Variants in DNAI2 observed in about 807,000 individuals in gnomAD.
DNAI2 encodes dynein, axonemal, intermediate polypeptide 2.
In DNAI2, 63 loss-of-function variants were observed where a neutral mutation model predicts 74.7. The observed-to-expected ratio is 0.84, with a 90% CI of 0.69 to 1.04. The LOEUF (loss-of-function observed/expected upper bound fraction) is 1.04. DNAI2 is among the 50% of genes least tolerant of loss of function. The pLI is 0.00. For missense variants in DNAI2, 688 were observed against 803.2 expected (o/e 0.86, Z 1.73); for synonymous variants, 289 against 314.9 (o/e 0.92, Z 0.87).
chr17:74,314,611 C>T lies in DNAI2; in HGVS notation c.*78C>T. 4.0e-6 allele frequency: 1 copy of T among 250,114 alleles called. No individual in the cohort carries two copies. The allele number at this position is 250,114 out of a possible 1,614,324, so 15.5% of individuals were successfully genotyped here. On this transcript the variant is annotated 3_prime_UTR_variant, in exon 14 of 14. Transcript: ENST00000311014. ...CAGACCCTCAACCAGACTTGCATGG[C>T]CATGGCAGGGCCTCGGGAAGACCTT...
Position 74,281,976 on chromosome 17 carries a change from C to T in DNAI2, c.159C>T (p.Cys53=), listed in dbSNP as rs141118738. ...ACCCAGTGGACACGGGCATCCAGTG[C>T]TCGATCAGCATGTCGGAACACGAGG... ...ERNPVDTGIQ[C]SISMSEHEAN... The change falls in exon 2 of 14, where the codon TGC becomes TGT. Residue 53 remains cysteine (C), a synonymous_variant. Coordinates refer to ENST00000311014, the MANE Select transcript of DNAI2 (RefSeq NM_023036.6). 6.8e-6 allele frequency: 11 copies of T among 1,614,000 alleles called. No homozygotes were observed. The African/African-American group carries it at 1.3e-4, about 20-fold the overall frequency.
chr17:74,312,640 G>A (rs966957453), intron 12 of DNAI2, among the ~76,000 whole-genome samples: 1 of 152,200 alleles, frequency 6.6e-6, no homozygotes, highest in Non-Finnish European at 1.5e-5. Flanking sequence ...CGGTGTGCAC[G>A]TCATGCTGGC....
intron 11 of DNAI2, among the ~76,000 whole-genome samples, chr17:74,310,407 C>A (rs2144116292): frequency 6.6e-6 from 1 of 151,932 alleles, no homozygotes; most frequent in African/African-American, 2.4e-5. Flanking sequence ...CAGTTTTTTA[C>A]CTGTAAATCA....
rs2144032154 is a variant in DNAI2, at chr17:74,300,623, CTT to C, written c.865-421_865-420del. On this transcript the variant is annotated intron_variant, in intron 7 of 13. Transcript: ENST00000311014. The surrounding 1 kb of genome is among the most constrained non-coding windows in gnomAD (Gnocchi z 4.5). The stretch of plus-strand genomic sequence containing the variant: ...CCCCAAAAAATACAGCAAAGAGCAT[CTT>C]TATACACAGATTGTTGCACACATGC... Among the ~76,000 whole-genome samples, 1 of 152,334 alleles carries C rather than the reference CTT, an allele frequency of 6.6e-6. No individual in the cohort carries two copies. Among genetic ancestry groups the C allele is most frequent in the African/African-American group, 2.4e-5 (1 of 41,562 alleles).
Position 74,281,792 on chromosome 17 carries a change from C to A in DNAI2, c.-11-15C>A. 2 of 1,612,830 alleles carry A rather than the reference C, an allele frequency of 1.2e-6. No individual in the cohort carries two copies. Among genetic ancestry groups the A allele is most frequent in the Non-Finnish European group, 1.7e-6 (2 of 1,179,972 alleles). ...GGTGGGGTCCCTCACCCCACACCCT[C>A]CCTCTGCCCCCCAGCAGCCGGCACC... is the stretch of plus-strand genomic sequence containing the variant. On this transcript the variant is annotated splice_polypyrimidine_tract_variant and intron_variant, in intron 1 of 13. Transcript: ENST00000311014.
rs537571452 is a variant in DNAI2, at chr17:74,277,244, G to A, written c.-12+2899G>A. 1.5e-4 allele frequency among the ~76,000 whole-genome samples: 23 copies of A among 152,118 alleles called. No individual in the cohort carries two copies. The East Asian group carries it at 2.5e-3, about 17-fold the overall frequency. ...TCTACTAAAAATACAAAAATTAGCC[G>A]CGAATGGTGGCATGTGCCTGTAATC... On this transcript the variant is annotated intron_variant, in intron 1 of 13. Coordinates refer to ENST00000311014, the MANE Select transcript of DNAI2 (RefSeq NM_023036.6).
chr17:74,292,390 A>G (rs2052162508), intron 6 of DNAI2, among the ~76,000 whole-genome samples: 1 of 145,900 alleles, frequency 6.9e-6, no homozygotes, highest in African/African-American at 2.5e-5. Flanking sequence ...TGTTCACAGT[A>G]TTCCCTTATA....
At chr17:74,288,774 C>G (rs986522113) in intron 4 of DNAI2, among the ~76,000 whole-genome samples, 2 of 152,112 alleles carry the variant, frequency 1.3e-5, no homozygotes, top group Non-Finnish European at 2.9e-5. Flanking sequence ...AAAGACCATG[C>G]TCTGTGGCCT....
rs1022936064 is a variant in DNAI2 at position 74,300,769 on chromosome 17, T to C, written c.865-277T>C. On this transcript the variant is annotated intron_variant, in intron 7 of 13. Coordinates refer to ENST00000311014, the MANE Select transcript of DNAI2 (RefSeq NM_023036.6). The surrounding 1 kb of genome is among the most constrained non-coding windows in gnomAD (Gnocchi z 4.5). The stretch of plus-strand genomic sequence containing the variant: ...GGGAGTCTTGGCATATACCGATTCT[T>C]GGCCTTGCACCTGGAGGTTTTGATT... 6.6e-6 allele frequency among the ~76,000 whole-genome samples: 1 copy of C among 152,214 alleles called. No homozygotes were observed. Among genetic ancestry groups the C allele is most frequent in the Non-Finnish European group, 1.5e-5 (1 of 68,040 alleles).
intron 1 of DNAI2, among the ~76,000 whole-genome samples, chr17:74,280,849 G>A (rs771705785): frequency 6.6e-6 from 1 of 152,068 alleles, no homozygotes; most frequent in African/African-American, 2.4e-5. Context: ...CACTTTGGGA[G>A]GCTGAGGCAG....
chr17:74,284,896 C>T (rs1027782598), intron 2 of DNAI2, 144 bp from the exon 3 acceptor site: 7 of 1,042,604 alleles, frequency 6.7e-6, no homozygotes, highest in South Asian at 2.7e-5. Flanking sequence ...AATTTCCTTG[C>T]CTGCATTTGA....
chr17:74,314,698 A>G lies in DNAI2; in HGVS notation c.*165A>G, dbSNP rs1033514737. On this transcript the variant is annotated 3_prime_UTR_variant, in exon 14 of 14. Coordinates refer to ENST00000311014, the MANE Select transcript of DNAI2 (RefSeq NM_023036.6). ...CTCCTCGTCCACCTACAAATCAGGA[A>G]CAGAAAGTCTGTCCACTTTGAAAAT... 1 of 210,260 alleles carries G rather than the reference A, an allele frequency of 4.8e-6. No homozygotes were observed. Among genetic ancestry groups the G allele is most frequent in the African/African-American group, 2.2e-5 (1 of 44,560 alleles). 13.0% of individuals were successfully genotyped at this position (210,260 alleles called of 1,614,324 possible). A position where few individuals can be genotyped will look rare whatever the true frequency, so the allele number is the denominator to read the frequency against.
chr17:74,301,862 AGAAGGAAG>A lies in DNAI2; in HGVS notation c.987+734_987+741del, dbSNP rs761320355. Among the ~76,000 whole-genome samples the A allele has an allele frequency of 2.6e-3, 176 of 67,336 alleles. 4 individuals carry two copies. Among genetic ancestry groups the A allele is most frequent in the Middle Eastern group, 7.8e-3 (1 of 128 alleles). 44.2% of individuals were successfully genotyped at this position (67,336 alleles called of 152,430 possible). On this transcript the variant is annotated intron_variant, in intron 8 of 13. Coordinates refer to ENST00000311014, the MANE Select transcript of DNAI2 (RefSeq NM_023036.6). ...GAAAGAAAAGGAAAGAAGGAAGGAAAGAAGGAAGGAAGGAAGGAAGGAAGGAAGGAAGG... is the reference window on the plus strand; with the variant it reads ...GAAAGAAAAGGAAAGAAGGAAGGAAAGAAGGAAGGAAGGAAGGAAGGAAGG...
At chr17:74,309,413 C>T in intron 10 of DNAI2, 25 bp downstream of exon 10, 1 of 1,614,100 alleles carries the variant, frequency 6.2e-7, no homozygotes, top group Non-Finnish European at 8.5e-7. Flanking sequence ...CCTCCTTGTG[C>T]ATCCAGGTCC....
chr17:74,314,308 CGCCTTAAA>C, intron 13 of DNAI2, 37 bp downstream of exon 13: 1 of 1,600,964 alleles, frequency 6.2e-7, no homozygotes, highest in African/African-American at 1.3e-5. Context: ...GGCTGAGCTC[CGCCTTAAA>C]GCAGCACTGG....
At chr17:74,291,831 T>C (rs1188024763) in intron 6 of DNAI2, among the ~76,000 whole-genome samples, 1 of 151,934 alleles carries the variant, frequency 6.6e-6, no homozygotes, top group Non-Finnish European at 1.5e-5. Context: ...AGTTGGGAAG[T>C]ATTCCCTTCT....
intron 1 of DNAI2, among the ~76,000 whole-genome samples, chr17:74,280,614 C>CT (rs1342638793): frequency 6.6e-6 from 1 of 152,138 alleles, no homozygotes; most frequent in African/African-American, 2.4e-5. Flanking sequence ...ACCAACGAGC[C>CT]TTTTGGACAA....
chr17:74,282,207 C>T (rs1360517874), intron 2 of DNAI2, among the ~76,000 whole-genome samples: 8 of 152,140 alleles, frequency 5.3e-5, no homozygotes, highest in Non-Finnish European at 1.2e-4. Flanking sequence ...CCGCCTTCCT[C>T]GAGCCAGGGA....
At chr17:74,284,109 G>A (rs1001786878) in intron 2 of DNAI2, among the ~76,000 whole-genome samples, 9 of 145,776 alleles carry the variant, frequency 6.2e-5, no homozygotes, top group Non-Finnish European at 1.2e-4. Context: ...TTGCATTCCA[G>A]CCTGGGCAAC....
Sources: gnomAD v4.1 joint callset for allele counts (sites outside exome capture counted in the v4.1 genomes callset) on GRCh38, gnomAD v4.1.1 for gene constraint, Gnocchi (gnomAD v3.1) non-coding constraint, MANE v1.5 for transcripts, NCBI Gene and HGNC (gene_info 2026-07-23, HGNC 2026-07-21) for gene names.